Variants in FER1L5 observed in about 807,000 individuals in gnomAD.
FER1L5 encodes fer-1-like protein 5.
A neutral mutation model predicts 279.9 loss-of-function variants in FER1L5; 187 were observed. The observed-to-expected ratio is 0.67, with a 90% CI of 0.59 to 0.75. FER1L5 has a LOEUF of 0.75. Ranked by LOEUF, FER1L5 falls within the 30% of genes least tolerant of loss-of-function variation. The pLI is 0.00. For synonymous variants in FER1L5, 921 were observed against 989.7 expected, an observed-to-expected ratio of 0.93 and a Z score of 1.30; for missense variants, 2,091 against 2,594.4, an observed-to-expected ratio of 0.81 and a Z score of 4.21.
At position 96,702,252 on chromosome 2, in the gene FER1L5, G is replaced by A. The variant is rs1455176935; in HGVS notation, c.5160-54G>A. The A allele has an allele frequency of 2.5e-6, 4 of 1,585,734 alleles. No homozygotes were observed. In the African/African-American group the frequency reaches 5.4e-5, roughly 21 times the overall value. On this transcript the variant is annotated intron_variant, in intron 46 of 52. Transcript: ENST00000624922. This position sits in a 1 kb window ranked among gnomAD's most constrained non-coding sequence, Gnocchi z 4.0. ...TCCCAGGCTTCTCTGCCCTCACTGA[G>A]GCTGCAGCTGGGGAGCTCCTCCTCA...
chr2:96,662,562 C>T (rs1417154027), intron 13 of FER1L5, among the ~76,000 whole-genome samples: 3 of 152,172 alleles, frequency 2.0e-5, no homozygotes, highest in Non-Finnish European at 2.9e-5. Context: ...CATGTGTAAA[C>T]GAAGGTTCTG....
chr2:96,664,848 A>C (rs576058077), intron 14 of FER1L5, among the ~76,000 whole-genome samples: 1 of 152,250 alleles, frequency 6.6e-6, no homozygotes, highest in South Asian at 2.1e-4. Context: ...GATAATATAC[A>C]TTTTCTTATC....
At chr2:96,670,012 G>C in intron 17 of FER1L5, 107 bp from the exon 18 acceptor site, 1 of 1,432,362 alleles carries the variant, frequency 7.0e-7, no homozygotes, top group Admixed American at 2.1e-5. Context: ...TAAGCCCCGG[G>C]CAGGCAGTGA....
Position 96,698,776 on chromosome 2 carries a change from G to A in FER1L5, c.4462G>A (p.Val1488Met). 2.6e-6 allele frequency: 4 copies of A among 1,567,588 alleles called. No homozygotes were observed. Among genetic ancestry groups the A allele is most frequent in the East Asian group, 2.4e-5 (1 of 41,852 alleles). ...AGAGGACTTCCCCCAGCCGTGCTTG[G>A]TGCGGGTGTACATGGTACGAGCCAT... ...EREDFPQPCLVRVYMVRAINL... is the reference protein window; with the variant it reads ...EREDFPQPCLMRVYMVRAINL... The change falls in exon 41 of 53, where the codon GTG becomes ATG. Residue 1488 changes from valine to methionine, a missense_variant. Transcript: ENST00000624922. The surrounding 1 kb of genome is among the most constrained non-coding windows in gnomAD (Gnocchi z 5.5).
intron 9 of FER1L5, among the ~76,000 whole-genome samples, chr2:96,659,879 C>T (rs1249613964): frequency 2.0e-5 from 3 of 152,046 alleles, no homozygotes; most frequent in Admixed American, 6.6e-5. Context: ...CAGCTTGCCC[C>T]ACATATGTCA....
chr2:96,687,835 A>G lies in FER1L5; in HGVS notation c.2249A>G (p.Gln750Arg), dbSNP rs752208038. 2.6e-6 allele frequency: 4 copies of G among 1,551,104 alleles called. No homozygotes were observed. Among genetic ancestry groups the G allele is most frequent in the South Asian group, 1.2e-5 (1 of 84,066 alleles). Residue 750 changes from glutamine (Q) to arginine (R), a missense_variant, in exon 24 of 53, where the codon CAG (glutamine) becomes CGG (arginine). Physicochemically the swap from Gln to Arg is conservative, Grantham distance 43 (BLOSUM62 1). Coordinates refer to ENST00000624922, the MANE Select transcript of FER1L5 (RefSeq NM_001293083.2). ...LFLQYPEGEG[Q>R]KDVLPAHLRV... ...GCTCAGTACCCAGAGGGTGAAGGAC[A>G]GAAGGATGTGCTCCCAGCTCACCTC...
intron 1 of FER1L5, among the ~76,000 whole-genome samples, chr2:96,644,683 C>T (rs1326060079): frequency 1.3e-5 from 2 of 152,132 alleles, no homozygotes; most frequent in African/African-American, 2.4e-5. Flanking sequence ...AATGGAATTT[C>T]TTTATTTTAT....
chr2:96,650,080 C>T (rs548888226), intron 5 of FER1L5, 100 bp from the exon 6 acceptor site: 1 of 912,242 alleles, frequency 1.1e-6, no homozygotes, highest in East Asian at 2.6e-5. Flanking sequence ...TGCTTTTAGT[C>T]AGGAGATGGT....
At position 96,698,640 on chromosome 2, in the gene FER1L5, G is replaced by A; in HGVS notation, c.4357-31G>A. On this transcript the variant is annotated intron_variant, in intron 40 of 52. Transcript: ENST00000624922. This position sits in a 1 kb window ranked among gnomAD's most constrained non-coding sequence, Gnocchi z 5.5. ...TTTACAGAGCTGGCCAGCACTGCCA[G>A]GCTGGGCCCCCAACACCCTCCCCCC... 1.3e-6 allele frequency: 2 copies of A among 1,557,856 alleles called. No individual in the cohort carries two copies. The highest frequency in any genetic ancestry group is 2.4e-5 in the South Asian group (2 of 84,586).
intron 24 of FER1L5, among the ~76,000 whole-genome samples, chr2:96,688,700 G>A (rs1023233793): frequency 1.3e-5 from 2 of 152,110 alleles, no homozygotes; most frequent in African/African-American, 4.8e-5. Context: ...GAGGCGCAGA[G>A]GTGGAGAGCA....
chr2:96,649,261 C>G (rs1046836316), intron 4 of FER1L5, among the ~76,000 whole-genome samples: 3 of 151,918 alleles, frequency 2.0e-5, no homozygotes, highest in Non-Finnish European at 4.4e-5. Flanking sequence ...GCAGGGCCTC[C>G]CACATGAGTT....
intron 19 of FER1L5, among the ~76,000 whole-genome samples, chr2:96,676,574 A>G (rs2076516411): frequency 6.6e-6 from 1 of 150,476 alleles, no homozygotes; most frequent in Non-Finnish European, 1.5e-5. Context: ...AAGCTCAACA[A>G]TTTCTACAAA....
intron 7 of FER1L5, 60 bp downstream of exon 7, chr2:96,652,080 G>T: frequency 6.5e-7 from 1 of 1,548,534 alleles, no homozygotes; most frequent in South Asian, 1.2e-5. Context: ...TCCCCGGTGG[G>T]CAGCCGGCAA....
intron 34 of FER1L5, 128 bp from the exon 35 acceptor site, chr2:96,695,381 A>G: frequency 8.0e-7 from 1 of 1,242,560 alleles, no homozygotes; most frequent in Non-Finnish European, 1.1e-6. Context: ...GCTCCTCTGC[A>G]GCCCCATTCC....
At position 96,692,106 on chromosome 2, in the gene FER1L5, C is replaced by T. The variant is rs999530775; in HGVS notation, c.3217C>T (p.Pro1073Ser). 12 of 1,551,432 alleles carry T rather than the reference C, an allele frequency of 7.7e-6. No homozygotes were observed. In the African/African-American group the frequency reaches 8.2e-5, roughly 11 times the overall value. Residue 1073 changes from proline to serine, a missense_variant and splice_region_variant, in exon 31 of 53, where the codon CCC becomes TCC. Coordinates refer to ENST00000624922, the MANE Select transcript of FER1L5 (RefSeq NM_001293083.2). ...LPFIYCTFNK[P>S]HYYQLFCYIY... Reference sequence around the variant, plus strand: ...AGGCATGGCTTCTCTTTCCCCAGAGCCCCACTACTACCAGCTCTTCTGCTA... The same window carrying T: ...AGGCATGGCTTCTCTTTCCCCAGAGTCCCACTACTACCAGCTCTTCTGCTA...
At chr2:96,673,627 T>C (rs2076408111) in intron 19 of FER1L5, among the ~76,000 whole-genome samples, 1 of 152,018 alleles carries the variant, frequency 6.6e-6, no homozygotes, top group Non-Finnish European at 1.5e-5. Flanking sequence ...CCCACCCACT[T>C]ACCCCAACAT....
rs376302857 is a variant in FER1L5, at chr2:96,699,739, G to A, written c.4781+19G>A. ...ACTGCCAGTGAGAGTGGGCCCGTCT[G>A]GGGGAAGGGAGTCAGGTGGGGTGGA... is the stretch of plus-strand genomic sequence containing the variant. On this transcript the variant is annotated intron_variant, in intron 43 of 52. Coordinates refer to ENST00000624922, the MANE Select transcript of FER1L5 (RefSeq NM_001293083.2). The A allele has an allele frequency of 1.2e-6, 2 of 1,612,730 alleles. No homozygotes were observed. The highest frequency in any genetic ancestry group is 1.7e-6 in the Non-Finnish European group (2 of 1,179,174).
rs1433545368 is a variant in FER1L5 at position 96,651,485 on chromosome 2, C to CTTCT, written c.505-394_505-391dup. On this transcript the variant is annotated intron_variant, in intron 6 of 52. Coordinates refer to ENST00000624922, the MANE Select transcript of FER1L5 (RefSeq NM_001293083.2). Reference sequence around the variant, plus strand: ...CCTTCCTCCGTCCCTCCCTCCCTCCCTTCTTTCTTTCTTTCTGTCTTTCTT... The same window carrying CTTCT: ...CCTTCCTCCGTCCCTCCCTCCCTCCCTTCTTTCTTTCTTTCTTTCTGTCTTTCTT... Among the ~76,000 whole-genome samples, 15 of 145,602 alleles carry CTTCT rather than the reference C, an allele frequency of 1.0e-4. No homozygotes were observed. In the South Asian group the frequency reaches 1.5e-3, roughly 15 times the overall value.
rs2076272261 is a variant in FER1L5, at chr2:96,670,195, C to A, written c.1439C>A (p.Ser480Tyr). The change falls in exon 18 of 53, where the codon TCC becomes TAC. Residue 480 changes from serine (S) to tyrosine (Y), a missense_variant. Coordinates refer to ENST00000624922, the MANE Select transcript of FER1L5 (RefSeq NM_001293083.2). ...CTGGAGTTAATCACCCAAATCAAGT[C>A]CTATCAAGACTCCACGATAAAGGAT... ...VFLELITQIK[S>Y]YQDSTIKDLS... 3 of 1,551,592 alleles carry A rather than the reference C, an allele frequency of 1.9e-6. No individual in the cohort carries two copies. The highest frequency in any genetic ancestry group is 2.4e-5 in the South Asian group (2 of 84,046).
Sources: allele counts gnomAD v4.1 joint callset (sites outside exome capture counted in the v4.1 genomes callset), GRCh38; gene constraint gnomAD v4.1.1; non-coding constraint Gnocchi (gnomAD v3.1); transcripts MANE v1.5; gene names NCBI Gene and HGNC (gene_info 2026-07-23, HGNC 2026-07-21).